Variants in KATNAL2 observed in about 807,000 individuals in gnomAD.
The protein encoded by KATNAL2 is katanin p60 ATPase-containing subunit A-like 2.
KATNAL2 carries 52 observed loss-of-function variants against 76.3 expected under a neutral mutation model. The observed-to-expected ratio is 0.68, with a 90% confidence interval of 0.55 to 0.86. KATNAL2 has a LOEUF of 0.86. Among genes scored for constraint, KATNAL2 ranks in the 40% least tolerant of loss-of-function variants. The pLI, the probability that KATNAL2 is intolerant of heterozygous loss-of-function variation, is 0.00. For missense variants in KATNAL2, 660 were observed against 668.9 expected (o/e 0.99, Z 0.15); for synonymous variants, 243 against 244.2 (o/e 1.00, Z 0.05).
At chr18:47,043,759 T>G (rs2061053529) in intron 3 of KATNAL2, among the ~76,000 whole-genome samples, 1 of 152,048 alleles carries the variant, frequency 6.6e-6, no homozygotes, top group Admixed American at 6.5e-5. Flanking sequence ...GTTAGTGTTT[T>G]GATTATTAAC....
intron 1 of KATNAL2, among the ~76,000 whole-genome samples, chr18:46,943,367 C>T (rs2146641240): frequency 6.6e-6 from 1 of 152,300 alleles, no homozygotes; most frequent in South Asian, 2.1e-4. Flanking sequence ...TTCTAAGTCA[C>T]AGGATGAGAT....
chr18:47,051,090 T>A (rs2576042), intron 4 of KATNAL2, among the ~76,000 whole-genome samples: 7 of 151,768 alleles, frequency 4.6e-5, no homozygotes, highest in African/African-American at 1.7e-4. Context: ...CTTGTTATTA[T>A]GGCCCAGTAT....
intron 4 of KATNAL2, among the ~76,000 whole-genome samples, chr18:47,048,905 G>A (rs1236966233): frequency 7.0e-6 from 1 of 142,894 alleles, no homozygotes; most frequent in Non-Finnish European, 1.5e-5. Flanking sequence ...CGCGATCTCG[G>A]CTCACTGCAA....
chr18:47,099,695 T>C (rs569146680), intron 16 of KATNAL2, among the ~76,000 whole-genome samples: 2 of 152,234 alleles, frequency 1.3e-5, no homozygotes, highest in Admixed American at 1.3e-4. Flanking sequence ...CTCGGAGAAG[T>C]CACTTACTCT....
chr18:47,061,837 A>T (rs2061641867), intron 8 of KATNAL2, among the ~76,000 whole-genome samples: 1 of 150,980 alleles, frequency 6.6e-6, no homozygotes, highest in Non-Finnish European at 1.5e-5. Flanking sequence ...CATAGTAAAC[A>T]CTCCATAAAT....
At chr18:47,049,771 G>A (rs914613984) in intron 4 of KATNAL2, among the ~76,000 whole-genome samples, 2 of 152,172 alleles carry the variant, frequency 1.3e-5, no homozygotes, top group African/African-American at 4.8e-5. Context: ...CTGGAGTGCA[G>A]TTGCCCAATC....
chr18:46,954,484 C>T (rs971048295), intron 3 of KATNAL2, among the ~76,000 whole-genome samples: 1 of 151,626 alleles, frequency 6.6e-6, no homozygotes, highest in African/African-American at 2.4e-5. Flanking sequence ...GTGTGTGCCA[C>T]CATGCCAAGC....
At chr18:46,933,557 T>A (rs2058996863) in intron 1 of KATNAL2, among the ~76,000 whole-genome samples, 1 of 152,134 alleles carries the variant, frequency 6.6e-6, no homozygotes, top group South Asian at 2.1e-4. Context: ...AGACTGGCAA[T>A]TCATAGGCAC....
Position 47,054,450 on chromosome 18 carries a change from G to A in KATNAL2, c.332+12G>A, listed in dbSNP as rs1338721714. The A allele has an allele frequency of 1.9e-6, 3 of 1,612,406 alleles. No individual in the cohort carries two copies. The highest frequency in any genetic ancestry group is 2.7e-5 in the African/African-American group (2 of 74,880). ...GGGAAGACCAGAAGGTAAAGTGAAT[G>A]GTAATTCTTCTTAATCGACTCGGCT... On this transcript the variant is annotated intron_variant, in intron 6 of 17. Transcript: ENST00000683218.
chr18:47,040,418 TGAGA>T (rs1406568003), intron 3 of KATNAL2, among the ~76,000 whole-genome samples: 1 of 152,064 alleles, frequency 6.6e-6, no homozygotes, highest in Admixed American at 6.6e-5. Flanking sequence ...TATAAATTGG[TGAGA>T]GAATGATGAG....
At chr18:47,070,767 C>T (rs1285483320) in intron 13 of KATNAL2, among the ~76,000 whole-genome samples, 1 of 152,054 alleles carries the variant, frequency 6.6e-6, no homozygotes, top group Non-Finnish European at 1.5e-5. Flanking sequence ...TTATCTATTA[C>T]CTTGATATCA....
intron 1 of KATNAL2, among the ~76,000 whole-genome samples, chr18:46,919,029 G>C (rs1204847294): frequency 6.6e-6 from 1 of 150,612 alleles, no homozygotes; most frequent in Admixed American, 6.6e-5. Context: ...GTGTGTGTGT[G>C]TGTTGTGTAT....
intron 1 of KATNAL2, among the ~76,000 whole-genome samples, chr18:46,942,050 G>A (rs975711840): frequency 6.6e-6 from 1 of 152,102 alleles, no homozygotes; most frequent in Non-Finnish European, 1.5e-5. Flanking sequence ...GGCAGAGCAG[G>A]TATCAGGTAA....
chr18:47,066,847 T>TGTATATATATATATA (rs2061812332), intron 10 of KATNAL2, among the ~76,000 whole-genome samples, 174 bp from the exon 11 acceptor site: 1 of 29,596 alleles, frequency 3.4e-5, no homozygotes. Flanking sequence ...ATATATGTGT[T>TGTATATATATATATA]TATATATATA....
At chr18:46,943,555 T>C (rs1010401787) in intron 1 of KATNAL2, among the ~76,000 whole-genome samples, 1 of 152,180 alleles carries the variant, frequency 6.6e-6, no homozygotes, top group African/African-American at 2.4e-5. Flanking sequence ...TGTTAGGAAG[T>C]TACCCAATAT....
At chr18:47,081,812 T>C (rs1055696845) in intron 15 of KATNAL2, among the ~76,000 whole-genome samples, 2 of 152,212 alleles carry the variant, frequency 1.3e-5, no homozygotes, top group Admixed American at 1.3e-4. Context: ...CACTTATTCA[T>C]GAAGCCCTTG....
chr18:47,056,563 C>CA (rs2147115917), intron 6 of KATNAL2, among the ~76,000 whole-genome samples: 1 of 152,334 alleles, frequency 6.6e-6, no homozygotes, highest in African/African-American at 2.4e-5. Context: ...CCACAGGGTG[C>CA]ACCTAGGACT....
chr18:46,958,031 A>G lies in KATNAL2; in HGVS notation c.51+11108A>G, dbSNP rs549818778. ...CTTTAATGTGGATTGGCCTCATCCA[A>G]TCAGTCAAAGGTCTGAGTAGAATAA... is the stretch of plus-strand genomic sequence containing the variant. On this transcript the variant is annotated intron_variant, in intron 3 of 17. Transcript: ENST00000683218. Among the ~76,000 whole-genome samples the G allele has an allele frequency of 1.7e-3, 258 of 152,224 alleles. 1 individual carries two copies. The highest frequency in any genetic ancestry group is 5.8e-3 in the African/African-American group (242 of 41,546).
Position 47,096,643 on chromosome 18 carries a change from G to A in KATNAL2, c.1212-2600G>A, listed in dbSNP as rs371444457. Among the ~76,000 whole-genome samples, 15 of 152,254 alleles carry A rather than the reference G, an allele frequency of 9.9e-5. No individual in the cohort carries two copies. The East Asian group carries it at 1.7e-3, about 18-fold the overall frequency. On this transcript the variant is annotated intron_variant, in intron 15 of 17. Coordinates refer to ENST00000683218, the MANE Select transcript of KATNAL2 (RefSeq NM_001387690.1). ...CAGCTCATTGTTACTCTTTATCAAT[G>A]GTTAGGCTAACATACAGGAATTTCC...
Sources: gnomAD v4.1 joint callset for allele counts (sites outside exome capture counted in the v4.1 genomes callset) on GRCh38, gnomAD v4.1.1 for gene constraint, MANE v1.5 for transcripts, NCBI Gene and HGNC (gene_info 2026-07-23, HGNC 2026-07-21) for gene names.